CLRN3: variants seen among roughly 807,000 people sequenced by gnomAD.
CLRN3 encodes the protein clarin 3, also known as clarin-3.
Under a neutral mutation model 16.7 loss-of-function variants are expected in CLRN3, and 12 were observed. The observed-to-expected ratio is 0.72, with a 90% CI of 0.46 to 1.16. The LOEUF (loss-of-function observed/expected upper bound fraction) is 1.16, where lower values mean the gene tolerates loss of function less well. Among genes scored for constraint, CLRN3 ranks in the 50% most tolerant of loss-of-function variants. CLRN3 has a pLI of 0.00. For missense variants in CLRN3, 296 were observed against 274.2 expected (o/e 1.08, Z -0.56); for synonymous variants, 118 against 113.0 (o/e 1.04, Z -0.28).
intron 1 of CLRN3, among the ~76,000 whole-genome samples, chr10:127,891,272 T>C (rs1378753348): frequency 3.9e-5 from 6 of 152,238 alleles, no homozygotes; most frequent in Non-Finnish European, 8.8e-5. Flanking sequence ...TGATGCTTTC[T>C]TTGAAGCCAT....
chr10:127,880,350 G>A (rs1591258853), intron 2 of CLRN3, among the ~76,000 whole-genome samples: 1 of 152,070 alleles, frequency 6.6e-6, no homozygotes, highest in Non-Finnish European at 1.5e-5. Context: ...GTGATGAGAT[G>A]CCCAGAGCCT....
At chr10:127,888,097 G>A (rs567248865) in intron 1 of CLRN3, among the ~76,000 whole-genome samples, 8 of 152,322 alleles carry the variant, frequency 5.3e-5, no homozygotes, top group South Asian at 4.2e-4. Context: ...GTAAGTCCTC[G>A]GACATCAAGG....
intron 1 of CLRN3, among the ~76,000 whole-genome samples, chr10:127,887,415 T>C (rs1845209071): frequency 6.6e-6 from 1 of 151,982 alleles, no homozygotes; most frequent in African/African-American, 2.4e-5. Flanking sequence ...TAGTAAAAGC[T>C]GTTTTTGGGT....
chr10:127,884,507 C>G (rs954190774), intron 1 of CLRN3, among the ~76,000 whole-genome samples: 1 of 152,242 alleles, frequency 6.6e-6, no homozygotes, highest in East Asian at 1.9e-4. Flanking sequence ...CAGAGAGGAC[C>G]AGATGCCCAG....
chr10:127,890,714 G>A (rs973754320), intron 1 of CLRN3, among the ~76,000 whole-genome samples: 4 of 152,226 alleles, frequency 2.6e-5, no homozygotes, highest in South Asian at 4.1e-4. Flanking sequence ...AGAAACCACA[G>A]GAGAGCACCC....
In CLRN3 at chr10:127,892,668, A is replaced by G; in HGVS notation, c.117T>C (p.Ala39=). Residue 39 remains alanine (A), a synonymous_variant, in exon 1 of 3, where the codon GCT becomes GCC. Coordinates refer to ENST00000368671, the MANE Select transcript of CLRN3 (RefSeq NM_152311.5). The part of the protein sequence containing the change: ...GTQAWITSTI[A]VRDSASNGSI... Reference sequence around the variant, plus strand: ...TCCCATTTGAAGCAGAGTCTCTAACAGCAATTGTACTGGTGATCCATGCTT... The same window carrying G: ...TCCCATTTGAAGCAGAGTCTCTAACGGCAATTGTACTGGTGATCCATGCTT... 2 of 1,611,900 alleles carry G rather than the reference A, an allele frequency of 1.2e-6. No individual in the cohort carries two copies. The highest frequency in any genetic ancestry group is 1.7e-6 in the Non-Finnish European group (2 of 1,177,904).
intron 1 of CLRN3, among the ~76,000 whole-genome samples, chr10:127,890,140 C>T (rs1845242364): frequency 6.6e-6 from 1 of 152,254 alleles, no homozygotes; most frequent in African/African-American, 2.4e-5. Context: ...CAATTCCTTT[C>T]AGTATCCTGA....
rs1209915480 is a variant in CLRN3 at position 127,882,769 on chromosome 10, C to T, written c.409+927G>A. Among the ~76,000 whole-genome samples the T allele has an allele frequency of 2.6e-5, 4 of 152,310 alleles. No individual in the cohort carries two copies. In the East Asian group the frequency reaches 7.7e-4, roughly 29 times the overall value. Reference sequence around the variant, plus strand: ...AAAATTTCAGGCCTGTGTTAAAATGCGTCACCTGGAGCTTACATGAAGCCA... The same window carrying T: ...AAAATTTCAGGCCTGTGTTAAAATGTGTCACCTGGAGCTTACATGAAGCCA... On this transcript the variant is annotated intron_variant, in intron 2 of 2. Coordinates refer to ENST00000368671, the MANE Select transcript of CLRN3 (RefSeq NM_152311.5).
chr10:127,877,993 G>A lies in CLRN3; in HGVS notation c.*156C>T, dbSNP rs1048267415. 2.2e-6 allele frequency: 2 copies of A among 920,994 alleles called. No homozygotes were observed. The highest frequency in any genetic ancestry group is 2.8e-5 in the Admixed American group (1 of 35,312). The allele number at this position is 920,994 out of a possible 1,614,324, so 57.1% of individuals were successfully genotyped here. A position where few individuals can be genotyped will look rare whatever the true frequency, so the allele number is the denominator to read the frequency against. ...CCAACCTTGTGGGAAAAATTTTCAG[G>A]AGTACAGCATCAATGAAGAACACAG... On this transcript the variant is annotated 3_prime_UTR_variant, in exon 3 of 3. Coordinates refer to ENST00000368671, the MANE Select transcript of CLRN3 (RefSeq NM_152311.5).
At chr10:127,885,567 C>T (rs752914432) in intron 1 of CLRN3, among the ~76,000 whole-genome samples, 2 of 152,050 alleles carry the variant, frequency 1.3e-5, no homozygotes, top group South Asian at 4.1e-4. Context: ...GACTCTATTT[C>T]TCTTTCTCTC....
chr10:127,883,980 G>T, intron 1 of CLRN3, 105 bp from the exon 2 acceptor site: 1 of 1,084,946 alleles, frequency 9.2e-7, no homozygotes, highest in East Asian at 2.5e-5. Context: ...ACTGGTTGTT[G>T]GATGTCAGTT....
In CLRN3 at chr10:127,892,716, T is replaced by G. The variant is rs760690107; in HGVS notation, c.69A>C (p.Val23=). 1 of 1,613,616 alleles carries G rather than the reference T, an allele frequency of 6.2e-7. No individual in the cohort carries two copies. Among genetic ancestry groups the G allele is most frequent in the African/African-American group, 1.3e-5 (1 of 74,906 alleles). ...SFFTSLGSFI[V]ICSILGTQAW... ...CTTGTGTCCCAAGAATAGAGCAAAT[T>G]ACAATGAAGGACCCAAGGCTGGTGA... The change falls in exon 1 of 3, where the codon GTA becomes GTC. Residue 23 remains valine, a synonymous_variant. Coordinates refer to ENST00000368671, the MANE Select transcript of CLRN3 (RefSeq NM_152311.5).
intron 1 of CLRN3, among the ~76,000 whole-genome samples, chr10:127,885,348 C>T (rs112699469): frequency 0.046 from 7,042 of 152,278 alleles, 220 homozygotes; most frequent in African/African-American, 0.079. Flanking sequence ...CCCAAATCTG[C>T]ATCTCCACGA....
At chr10:127,884,243 G>A (rs1420480478) in intron 1 of CLRN3, among the ~76,000 whole-genome samples, 1 of 152,228 alleles carries the variant, frequency 6.6e-6, no homozygotes, top group Non-Finnish European at 1.5e-5. Flanking sequence ...CAGTGCCCCT[G>A]TTGCTCTGAG....
Position 127,878,365 on chromosome 10 carries a change from T to A in CLRN3, c.465A>T (p.Gln155His), listed in dbSNP as rs777029703. ...ILFVANTQSNQLSEELFQMLY... is the reference protein window; with the variant it reads ...ILFVANTQSNHLSEELFQMLY... ...GCATTTGGAACAACTCTTCGGAGAG[T>A]TGGTTGGACTGCGTGTTCGCCACAA... Residue 155 changes from glutamine to histidine, a missense_variant, in exon 3 of 3, where the codon CAA becomes CAT. Gln to His is a conservative substitution (Grantham distance 24). Transcript: ENST00000368671. 2 of 1,613,980 alleles carry A rather than the reference T, an allele frequency of 1.2e-6. No individual in the cohort carries two copies.
At chr10:127,888,472 T>G (rs1466976232) in intron 1 of CLRN3, among the ~76,000 whole-genome samples, 1 of 152,254 alleles carries the variant, frequency 6.6e-6, no homozygotes, top group African/African-American at 2.4e-5. Context: ...GGGCTCTTTA[T>G]GAATTCTGGA....
At position 127,878,301 on chromosome 10, in the gene CLRN3, A is replaced by G; in HGVS notation, c.529T>C (p.Tyr177His). The G allele has an allele frequency of 6.2e-7, 1 of 1,614,204 alleles. No homozygotes were observed. The highest frequency in any genetic ancestry group is 8.5e-7 in the Non-Finnish European group (1 of 1,180,028). ...ATTSKGTTHS[Y>H]GYSFWLILLV... ...AGTATGAGCCAGAACGAGTATCCGT[A>G]ACTGTGGGTCGTTCCTTTACTGGTG... is the stretch of plus-strand genomic sequence containing the variant. The change falls in exon 3 of 3, where the codon TAC becomes CAC. Residue 177 changes from tyrosine (Y) to histidine (H), a missense_variant. Physicochemically the swap from Tyr to His is moderately conservative, Grantham distance 83. Transcript: ENST00000368671.
At position 127,878,214 on chromosome 10, in the gene CLRN3, A is replaced by G; in HGVS notation, c.616T>C (p.Tyr206His). ...TTTCTCTGCTCCTGCTTCCGCTGGT[A>G]TCTGGCCTTCTGGTAGAAAATGATG... ...TIIIFYQKARYQRKQEQRKPM... is the reference protein window; with the variant it reads ...TIIIFYQKARHQRKQEQRKPM... Residue 206 changes from tyrosine to histidine, a missense_variant, in exon 3 of 3, where the codon TAC (tyrosine) becomes CAC (histidine). Transcript: ENST00000368671. 8 of 1,614,180 alleles carry G rather than the reference A, an allele frequency of 5.0e-6. No individual in the cohort carries two copies. Among genetic ancestry groups the G allele is most frequent in the East Asian group, 4.5e-5 (2 of 44,886 alleles).
At chr10:127,887,597 A>C (rs1845210972) in intron 1 of CLRN3, among the ~76,000 whole-genome samples, 1 of 152,110 alleles carries the variant, frequency 6.6e-6, no homozygotes, top group South Asian at 2.1e-4. Context: ...TAAGGTGACA[A>C]TTCATCTTGA....
Sources: gnomAD v4.1 joint callset for allele counts (sites outside exome capture counted in the v4.1 genomes callset) on GRCh38, gnomAD v4.1.1 for gene constraint, MANE v1.5 for transcripts, NCBI Gene and HGNC (gene_info 2026-07-23, HGNC 2026-07-21) for gene names.